C15orf39: variants seen among roughly 807,000 people sequenced by gnomAD.
C15orf39 encodes uncharacterized protein C15orf39.
Under a neutral mutation model 53.9 loss-of-function variants are expected in C15orf39, and 24 were observed. The ratio of observed to expected loss-of-function variants is 0.45; its 90% CI spans 0.32 to 0.63. C15orf39 has a LOEUF of 0.63. Ranked by LOEUF, C15orf39 falls within the 20% of genes least tolerant of loss-of-function variation. The pLI is 0.04. For synonymous variants in C15orf39, 569 were observed against 576.5 expected (o/e 0.99, Z 0.19); for missense variants, 1,271 against 1,347.9 (o/e 0.94, Z 0.89).
chr15:75,199,998 T>TC (rs1198915790), upstream of C15orf39, among the ~76,000 whole-genome samples: 1 of 152,128 alleles, frequency 6.6e-6, no homozygotes, highest in Admixed American at 6.5e-5. Flanking sequence ...AATGGCAAGG[T>TC]CAGAGCCTTC....
chr15:75,206,405 T>C lies in C15orf39; in HGVS notation c.357T>C (p.Ala119=), dbSNP rs2070438604. 1 of 1,613,872 alleles carries C rather than the reference T, an allele frequency of 6.2e-7. No individual in the cohort carries two copies. The highest frequency in any genetic ancestry group is 1.1e-5 in the South Asian group (1 of 91,072). The change falls in exon 2 of 3, where the codon GCT becomes GCC. Residue 119 remains alanine, a synonymous_variant. Transcript: ENST00000394987. ...AGCTCCTGCCCTTCAGTCCCCAGGC[T>C]CACTCCTACCCAGGCCCACCACTGG... ...PVELLPFSPQ[A]HSYPGPPLAA...
intron 2 of C15orf39, 147 bp downstream of exon 2, chr15:75,208,971 C>G: frequency 2.2e-6 from 3 of 1,347,796 alleles, no homozygotes; most frequent in Non-Finnish European, 2.9e-6. Context: ...CTAGGTACCC[C>G]CACCCCTTGA....
rs1048973158 is a variant in C15orf39, at chr15:75,201,991, G to A, written c.-119G>A. Reference sequence around the variant, plus strand: ...GGTCGGACTAGGACCCGCGGCCTGAGAGACGCTGGAGGATGCGGACGCGGA... The same window carrying A: ...GGTCGGACTAGGACCCGCGGCCTGAAAGACGCTGGAGGATGCGGACGCGGA... On this transcript the variant is annotated 5_prime_UTR_variant, in exon 1 of 3. Transcript: ENST00000394987. The surrounding 1 kb of genome is among the most constrained non-coding windows in gnomAD (Gnocchi z 4.7). The A allele has an allele frequency of 2.2e-4, 33 of 152,212 alleles. No individual in the cohort carries two copies. The highest frequency in any genetic ancestry group is 4.6e-4 in the Non-Finnish European group (31 of 68,016). The allele number at this position is 152,212 out of a possible 1,614,324, so 9.4% of individuals were successfully genotyped here.
rs771061251 is a variant in C15orf39 at position 75,207,521 on chromosome 15, C to G, written c.1473C>G (p.Gly491=). The change falls in exon 2 of 3, where the codon GGC becomes GGG. Residue 491 remains glycine (G), a synonymous_variant. Transcript: ENST00000394987. The part of the protein sequence containing the change: ...RECQSLPQKE[G]ARPPSSPPMP... ...GCCAGTCTCTTCCACAGAAGGAGGG[C>G]GCAAGGCCACCCAGCTCTCCACCAA... is the stretch of plus-strand genomic sequence containing the variant. The G allele has an allele frequency of 1.2e-6, 2 of 1,612,286 alleles. No homozygotes were observed. Among genetic ancestry groups the G allele is most frequent in the Non-Finnish European group, 1.7e-6 (2 of 1,179,542 alleles).
At position 75,206,628 on chromosome 15, in the gene C15orf39, G is replaced by T. The variant is rs143715170; in HGVS notation, c.580G>T (p.Val194Leu). Reference sequence around the variant, plus strand: ...TCTGGATGGCACCTTCTTGCGGGGGGTGCCAGCTGAGGGGTCCAGTAAAGA... The same window carrying T: ...TCTGGATGGCACCTTCTTGCGGGGGTTGCCAGCTGAGGGGTCCAGTAAAGA... ...QTLDGTFLRG[V>L]PAEGSSKDSS... Residue 194 changes from valine to leucine, a missense_variant, in exon 2 of 3, where the codon GTG becomes TTG. Transcript: ENST00000394987. 3.1e-6 allele frequency: 5 copies of T among 1,613,614 alleles called. No homozygotes were observed. The highest frequency in any genetic ancestry group is 4.2e-6 in the Non-Finnish European group (5 of 1,179,952).
intron 2 of C15orf39, among the ~76,000 whole-genome samples, chr15:75,209,798 G>A (rs1324636059): frequency 6.6e-6 from 1 of 152,158 alleles, no homozygotes; most frequent in Non-Finnish European, 1.5e-5. Flanking sequence ...CCCCGTAGTG[G>A]CAGCCTTGCC....
At chr15:75,208,884 T>C (rs2141601853) in intron 2 of C15orf39, 60 bp downstream of exon 2, 2 of 1,536,330 alleles carry the variant, frequency 1.3e-6, no homozygotes, top group East Asian at 4.5e-5. Flanking sequence ...CAGGTGTGTG[T>C]GCTGTGTGAG....
chr15:75,211,053 C>A lies in C15orf39; in HGVS notation c.3081C>A (p.Ser1027=). 1.2e-6 allele frequency: 2 copies of A among 1,606,092 alleles called. No individual in the cohort carries two copies. Among genetic ancestry groups the A allele is most frequent in the Non-Finnish European group, 1.7e-6 (2 of 1,179,978 alleles). The change falls in exon 3 of 3, where the codon TCC becomes TCA. Residue 1027 remains serine, a synonymous_variant. Coordinates refer to ENST00000394987, the MANE Select transcript of C15orf39 (RefSeq NM_015492.5). ...GLALPTWGHK[S]SRPDQPSPCP... ...CTCTGCCCACCTGGGGCCACAAGTC[C>A]TCAAGACCAGACCAGCCCTCACCCT...
At chr15:75,208,858 C>CTGTGTGAGCAAGTGACAGG in intron 2 of C15orf39, 34 bp downstream of exon 2, 36 of 1,557,628 alleles carry the variant, frequency 2.3e-5, no homozygotes, top group Non-Finnish European at 3.1e-5. Flanking sequence ...GCCACCGGAG[C>CTGTGTGAGCAAGTGACAGG]TGTGTGAGCA....
chr15:75,200,043 C>G (rs2070391600), upstream of C15orf39, among the ~76,000 whole-genome samples: 1 of 152,140 alleles, frequency 6.6e-6, no homozygotes, highest in Non-Finnish European at 1.5e-5. Context: ...CTATGAGCTT[C>G]CTAGAGTTTA....
At position 75,211,357 on chromosome 15, in the gene C15orf39, G is replaced by C. The variant is rs1029058244; in HGVS notation, c.*241G>C. 2.0e-5 allele frequency: 9 copies of C among 461,092 alleles called. No homozygotes were observed. The South Asian group carries it at 5.2e-4, about 27-fold the overall frequency. The allele number at this position is 461,092 out of a possible 1,614,324, so 28.6% of individuals were successfully genotyped here. ...CTAGAGAACACACATGGGCTTTGGA[G>C]CCCGACAGACCTGGGCTTGAATCCC... On this transcript the variant is annotated 3_prime_UTR_variant, in exon 3 of 3. Coordinates refer to ENST00000394987, the MANE Select transcript of C15orf39 (RefSeq NM_015492.5).
Position 75,210,898 on chromosome 15 carries a change from G to A in C15orf39, c.2926G>A (p.Ala976Thr). The change falls in exon 3 of 3, where the codon GCA (alanine) becomes ACA (threonine). Residue 976 changes from alanine to threonine, a missense_variant. Around this residue, in one of 2 missense-constraint regions of C15orf39, gnomAD observed 277 missense variants for 354.1 expected, o/e 0.78. Transcript: ENST00000394987. ...RKPPTPGPEK[A>T]EAAAGEESCG... The stretch of plus-strand genomic sequence containing the variant: ...GCCACCAACCCCTGGCCCGGAGAAA[G>A]CAGAGGCAGCTGCTGGGGAAGAGTC... 2 of 1,613,712 alleles carry A rather than the reference G, an allele frequency of 1.2e-6. No homozygotes were observed. The highest frequency in any genetic ancestry group is 2.2e-5 in the South Asian group (2 of 91,070).
chr15:75,207,227 G>A lies in C15orf39; in HGVS notation c.1179G>A (p.Gly393=), dbSNP rs754260564. ...TCTCTCTCTATGGAGCATCCCCTGG[G>A]CTTGGAGGGACACCACCTTCCCAGA... is the stretch of plus-strand genomic sequence containing the variant. The part of the protein sequence containing the change: ...DDLSLYGASP[G]LGGTPPSQNN... The change falls in exon 2 of 3, where the codon GGG becomes GGA. Residue 393 remains glycine (G), a synonymous_variant. Transcript: ENST00000394987. 2 of 1,613,724 alleles carry A rather than the reference G, an allele frequency of 1.2e-6. No individual in the cohort carries two copies. Among genetic ancestry groups the A allele is most frequent in the South Asian group, 1.1e-5 (1 of 91,080 alleles).
Position 75,206,713 on chromosome 15 carries a change from G to A in C15orf39, c.665G>A (p.Ser222Asn). ...PFLEKYQTIH[S>N]TGFLASRYTG... ...CTGGAGAAATATCAGACCATCCACA[G>A]CACGGGCTTCCTGGCCTCCAGGTAC... The change falls in exon 2 of 3, where the codon AGC becomes AAC. Residue 222 changes from serine to asparagine, a missense_variant. This residue lies in a region of C15orf39 where 994 missense variants were observed against 993.7 expected (regional missense o/e 1.00). Transcript: ENST00000394987. The A allele has an allele frequency of 3.1e-6, 5 of 1,613,710 alleles. No individual in the cohort carries two copies. In the South Asian group the frequency reaches 3.3e-5, roughly 11 times the overall value.
In C15orf39 at chr15:75,208,561, G is replaced by A. The variant is rs1268300500; in HGVS notation, c.2513G>A (p.Arg838Gln). Reference protein sequence around the residue: ...THRCPFPHVVRAGAIFVPIHL... With the variant: ...THRCPFPHVVQAGAIFVPIHL... ...CGGTGCCCCTTCCCCCATGTGGTGCGAGCTGGCGCCATCTTCGTGCCCATT... is the reference window on the plus strand; with the variant it reads ...CGGTGCCCCTTCCCCCATGTGGTGCAAGCTGGCGCCATCTTCGTGCCCATT... The change falls in exon 2 of 3, where the codon CGA (arginine) becomes CAA (glutamine). Residue 838 changes from arginine to glutamine, a missense_variant. Physicochemically the swap from Arg to Gln is conservative, Grantham distance 43. Around this residue, in one of 2 missense-constraint regions of C15orf39, gnomAD observed 277 missense variants for 354.1 expected, o/e 0.78. Transcript: ENST00000394987. 20 of 1,573,184 alleles carry A rather than the reference G, an allele frequency of 1.3e-5. No homozygotes were observed. The highest frequency in any genetic ancestry group is 7.4e-5 in the Admixed American group (4 of 53,700).
upstream of C15orf39, among the ~76,000 whole-genome samples, chr15:75,201,120 T>C (rs1347026874): frequency 1.3e-5 from 2 of 152,082 alleles, no homozygotes; most frequent in Non-Finnish European, 2.9e-5. The surrounding 1 kb of genome is among the most constrained non-coding windows in gnomAD (Gnocchi z 4.7). Flanking sequence ...TCAGATAAAG[T>C]AGCAGCACTG....
At position 75,206,465 on chromosome 15, in the gene C15orf39, C is replaced by G. The variant is rs777024266; in HGVS notation, c.417C>G (p.Cys139Trp). ...AACCTGTCTACCGCAACCCTCTGTG[C>G]TATGGGCTCTCAACTTGTCTGGGGG... Reference protein sequence around the residue: ...APKPVYRNPLCYGLSTCLGEG... With the variant: ...APKPVYRNPLWYGLSTCLGEG... Residue 139 changes from cysteine to tryptophan, a missense_variant, in exon 2 of 3, where the codon TGC becomes TGG. Cys to Trp is a radical substitution (Grantham distance 215, BLOSUM62 -2). Transcript: ENST00000394987. 6.2e-7 allele frequency: 1 copy of G among 1,614,058 alleles called. No individual in the cohort carries two copies. The highest frequency in any genetic ancestry group is 1.3e-5 in the African/African-American group (1 of 75,030).
chr15:75,201,706 G>A (rs1221794381), upstream of C15orf39, among the ~76,000 whole-genome samples: 1 of 152,152 alleles, frequency 6.6e-6, no homozygotes, highest in East Asian at 1.9e-4. The surrounding 1 kb of genome is among the most constrained non-coding windows in gnomAD (Gnocchi z 4.7). Flanking sequence ...GGAGCGTGGC[G>A]GTTACGGGCG....
chr15:75,207,522 G>T lies in C15orf39; in HGVS notation c.1474G>T (p.Ala492Ser). The T allele has an allele frequency of 6.2e-7, 1 of 1,612,118 alleles. No individual in the cohort carries two copies. The highest frequency in any genetic ancestry group is 8.5e-7 in the Non-Finnish European group (1 of 1,179,484). Residue 492 changes from alanine (A) to serine (S), a missense_variant, in exon 2 of 3, where the codon GCA becomes TCA. Physicochemically the swap from Ala to Ser is moderately conservative, Grantham distance 99. Coordinates refer to ENST00000394987, the MANE Select transcript of C15orf39 (RefSeq NM_015492.5). ...ECQSLPQKEG[A>S]RPPSSPPMPV... is the part of the protein sequence containing the mutation. ...CCAGTCTCTTCCACAGAAGGAGGGC[G>T]CAAGGCCACCCAGCTCTCCACCAAT...
Sources: gnomAD v4.1 joint callset for allele counts (sites outside exome capture counted in the v4.1 genomes callset) on GRCh38, gnomAD v4.1.1 for gene constraint, gnomAD v4.1.1 regional missense constraint, Gnocchi (gnomAD v3.1) non-coding constraint, MANE v1.5 for transcripts, NCBI Gene and HGNC (gene_info 2026-07-23, HGNC 2026-07-21) for gene names.